KANSL1: variants seen among roughly 807,000 people sequenced by gnomAD.
KANSL1 encodes the protein KAT8 regulatory NSL complex subunit 1.
A neutral mutation model predicts 103.6 loss-of-function variants in KANSL1; 22 were observed. The ratio of observed to expected loss-of-function variants is 0.21; its 90% CI spans 0.15 to 0.30. KANSL1 has a LOEUF of 0.30. KANSL1 is among the 10% of genes least tolerant of loss of function. The pLI, the probability that KANSL1 is intolerant of heterozygous loss-of-function variation, is 1.00. For missense variants in KANSL1, 1,337 were observed against 1,399.8 expected, an observed-to-expected ratio of 0.96 and a Z score of 0.72; for synonymous variants, 600 against 527.6, an observed-to-expected ratio of 1.14 and a Z score of -1.88.
intron 2 of KANSL1, among the ~76,000 whole-genome samples, chr17:46,105,945 AC>A (rs2042540619): frequency 2.7e-4 from 24 of 90,284 alleles, no homozygotes; most frequent in Non-Finnish European, 5.3e-4. Flanking sequence ...ACACACACAC[AC>A]ACCCCCCCAG....
At chr17:46,085,373 T>C (rs1016177003) in intron 3 of KANSL1, among the ~76,000 whole-genome samples, 1 of 152,252 alleles carries the variant, frequency 6.6e-6, no homozygotes, top group Admixed American at 6.5e-5. Flanking sequence ...ACTTGCTTTA[T>C]CCACACTGCC....
Position 46,032,105 on chromosome 17 carries a change from C to T in KANSL1, c.3032G>A (p.Arg1011Gln). Residue 1011 changes from arginine (R) to glutamine (Q), a missense_variant, in exon 14 of 15, where the codon CGA becomes CAA. Around this residue, in one of 2 missense-constraint regions of KANSL1, gnomAD observed 780 missense variants for 923.4 expected, o/e 0.84. Coordinates refer to ENST00000432791, the MANE Select transcript of KANSL1 (RefSeq NM_015443.4). ...PLTPVARDTPRHLASEDTRCS... is the reference protein window; with the variant it reads ...PLTPVARDTPQHLASEDTRCS... ...ACGGGTATCCTCACTGGCTAAGTGTCGCGGAGTGTCCCGAGCCACAGGGGT... is the reference window on the plus strand; with the variant it reads ...ACGGGTATCCTCACTGGCTAAGTGTTGCGGAGTGTCCCGAGCCACAGGGGT... 3 of 1,614,046 alleles carry T rather than the reference C, an allele frequency of 1.9e-6. No homozygotes were observed. The highest frequency in any genetic ancestry group is 2.2e-5 in the East Asian group (1 of 44,856).
At chr17:46,129,203 T>C (rs1210845028) in intron 2 of KANSL1, among the ~76,000 whole-genome samples, 1 of 152,052 alleles carries the variant, frequency 6.6e-6, no homozygotes, top group Non-Finnish European at 1.5e-5. Flanking sequence ...GTGCAGTATG[T>C]TCTAGTTGAA....
intron 2 of KANSL1, among the ~76,000 whole-genome samples, chr17:46,107,442 C>G (rs111905143): frequency 0.14 from 21,634 of 151,966 alleles, 2,117 homozygotes; most frequent in Non-Finnish European, 0.22. Flanking sequence ...TGATCCATCA[C>G]CAGTATCCAA....
intron 6 of KANSL1, among the ~76,000 whole-genome samples, chr17:46,060,192 G>A (rs1052826719): frequency 9.9e-5 from 15 of 152,166 alleles, no homozygotes; most frequent in Admixed American, 4.6e-4. Flanking sequence ...TAGCATATTC[G>A]TCCAAAACAC....
intron 1 of KANSL1, among the ~76,000 whole-genome samples, chr17:46,174,244 G>A (rs2046417090): frequency 6.6e-6 from 1 of 152,182 alleles, no homozygotes; most frequent in African/African-American, 2.4e-5. Context: ...GAGTGCAGTG[G>A]TATGATCTCA....
chr17:46,052,049 TATCTATGTA>T (rs769742459), intron 6 of KANSL1, among the ~76,000 whole-genome samples: 10 of 152,140 alleles, frequency 6.6e-5, no homozygotes, highest in Admixed American at 1.3e-4. Flanking sequence ...AAAATCCCTG[TATCTATGTA>T]ATCAGAGCTG....
intron 6 of KANSL1, 106 bp from the exon 7 acceptor site, chr17:46,050,810 T>C: frequency 2.2e-6 from 2 of 902,562 alleles, no homozygotes; most frequent in Non-Finnish European, 3.4e-6. Flanking sequence ...CCATTTGTTA[T>C]TGCGAAGACC....
intron 2 of KANSL1, among the ~76,000 whole-genome samples, chr17:46,167,338 G>C (rs1038360602): frequency 3.3e-5 from 5 of 152,128 alleles, no homozygotes; most frequent in Non-Finnish European, 7.3e-5. Flanking sequence ...GCACAACTCA[G>C]CAAGTACATT....
chr17:46,082,706 G>A (rs1308618674), intron 3 of KANSL1, among the ~76,000 whole-genome samples, 164 bp from the exon 4 acceptor site: 6 of 152,028 alleles, frequency 3.9e-5, no homozygotes, highest in Admixed American at 3.9e-4. Flanking sequence ...TTTTCCCAAA[G>A]AGCTATTTCA....
At chr17:46,055,400 C>T (rs945388599) in intron 6 of KANSL1, among the ~76,000 whole-genome samples, 28 of 150,440 alleles carry the variant, frequency 1.9e-4, no homozygotes, top group Admixed American at 1.0e-3. Flanking sequence ...AGGAGGCAGA[C>T]GTTACAGTGA....
At chr17:46,223,822 C>T (rs2048602967), upstream of KANSL1, 1 of 151,948 alleles carries the variant, frequency 6.6e-6, no homozygotes. Flanking sequence ...AGAGGATTTT[C>T]ATTTAGACTA....
chr17:46,213,291 G>T (rs548571723), intron 1 of KANSL1, among the ~76,000 whole-genome samples: 24 of 112,458 alleles, frequency 2.1e-4, no homozygotes, highest in South Asian at 7.0e-4. Flanking sequence ...TTTGTTTTTT[G>T]TTGTTGTTGT....
chr17:46,075,525 C>T (rs917944768), intron 4 of KANSL1, among the ~76,000 whole-genome samples: 1 of 152,012 alleles, frequency 6.6e-6, no homozygotes, highest in Non-Finnish European at 1.5e-5. Context: ...TTAGTAGAGA[C>T]GGGGTTTCAC....
chr17:46,097,378 G>A (rs1568444862), intron 2 of KANSL1, among the ~76,000 whole-genome samples: 1 of 152,184 alleles, frequency 6.6e-6, no homozygotes, highest in Non-Finnish European at 1.5e-5. Flanking sequence ...AATGGGGAAT[G>A]CAAAAGCTGC....
At chr17:46,079,747 C>A (rs1343237882) in intron 4 of KANSL1, among the ~76,000 whole-genome samples, 1 of 152,152 alleles carries the variant, frequency 6.6e-6, no homozygotes, top group East Asian at 1.9e-4. Context: ...GAGGCCAAGG[C>A]CAGCGGATTG....
intron 2 of KANSL1, among the ~76,000 whole-genome samples, chr17:46,103,931 G>A (rs543723926): frequency 6.6e-5 from 10 of 152,334 alleles, no homozygotes; most frequent in African/African-American, 2.2e-4. Flanking sequence ...GGGAGGCTGA[G>A]GCAGGAGAAT....
intron 2 of KANSL1, among the ~76,000 whole-genome samples, chr17:46,105,933 AC>A (rs1567680668): frequency 0.016 from 1,599 of 100,896 alleles, 15 homozygotes; most frequent in Admixed American, 0.03. Context: ...ACACACACAC[AC>A]ACACACACAC....
chr17:46,143,850 G>A (rs1486508233), intron 2 of KANSL1, among the ~76,000 whole-genome samples: 1 of 147,056 alleles, frequency 6.8e-6, no homozygotes, highest in Non-Finnish European at 1.5e-5. Flanking sequence ...CTTCCCAGTA[G>A]AAGAGATGAG....
Sources: allele counts gnomAD v4.1 joint callset (sites outside exome capture counted in the v4.1 genomes callset), GRCh38; gene constraint gnomAD v4.1.1; regional missense constraint gnomAD v4.1.1; transcripts MANE v1.5; gene names NCBI Gene and HGNC (gene_info 2026-07-23, HGNC 2026-07-21).